Variants in KIAA1217 observed in about 807,000 individuals in gnomAD.
KIAA1217 encodes the protein KIAA1217, also known as sickle tail protein homolog.
In KIAA1217, 88 loss-of-function variants were observed where a neutral mutation model predicts 163.9. The observed-to-expected ratio is 0.54, with a 90% CI of 0.45 to 0.64. KIAA1217 has a LOEUF of 0.64. KIAA1217 is among the 30% of genes least tolerant of loss of function. The pLI, the probability that KIAA1217 is intolerant of heterozygous loss-of-function variation, is 0.00. For missense variants in KIAA1217, 2,372 were observed against 2,475.0 expected (o/e 0.96, Z 0.88); for synonymous variants, 903 against 923.1 (o/e 0.98, Z 0.39).
At chr10:23,775,157 T>A (rs1834955586) in intron 1 of KIAA1217, among the ~76,000 whole-genome samples, 1 of 152,122 alleles carries the variant, frequency 6.6e-6, no homozygotes, top group Non-Finnish European at 1.5e-5. Context: ...AGCTCACAGA[T>A]GACCAGGAAG....
chr10:24,488,957 G>T (rs1478682110), intron 6 of KIAA1217, among the ~76,000 whole-genome samples: 1 of 152,342 alleles, frequency 6.6e-6, no homozygotes, highest in East Asian at 1.9e-4. Context: ...ACGGCAGCTA[G>T]CATGTTACCT....
At chr10:24,372,496 G>T (rs1487277299) in intron 2 of KIAA1217, among the ~76,000 whole-genome samples, 1 of 152,064 alleles carries the variant, frequency 6.6e-6, no homozygotes, top group East Asian at 1.9e-4. Flanking sequence ...TTCTTGTTCA[G>T]TTTATCAAAA....
chr10:23,978,167 G>A (rs530443610), intron 1 of KIAA1217, among the ~76,000 whole-genome samples: 1 of 152,250 alleles, frequency 6.6e-6, no homozygotes, highest in South Asian at 2.1e-4. Context: ...TTCGGATGAG[G>A]AATGGTTACT....
rs796275798 is a variant in KIAA1217, at chr10:24,315,932, G to GC, written c.355-64937_355-64936insC. 8.1e-5 allele frequency among the ~76,000 whole-genome samples: 12 copies of GC among 148,876 alleles called. No homozygotes were observed. In the South Asian group the frequency reaches 2.8e-3, roughly 34 times the overall value. ...AGTTTATCTTTATTTTATCTAATGG[G>GC]GGGGGGGAATCCAAGGAGCTTTTTA... On this transcript the variant is annotated intron_variant, in intron 2 of 20. Transcript: ENST00000376454.
chr10:23,898,308 C>T (rs2366592), intron 1 of KIAA1217, among the ~76,000 whole-genome samples: 18,814 of 97,222 alleles, frequency 0.19, 3,020 homozygotes, highest in African/African-American at 0.48. Context: ...TATATATACA[C>T]ACACACACAC....
intron 2 of KIAA1217, among the ~76,000 whole-genome samples, chr10:24,138,591 A>G (rs1406011445): frequency 6.7e-6 from 1 of 149,488 alleles, no homozygotes; most frequent in Non-Finnish European, 1.5e-5. Flanking sequence ...ATATTATATA[A>G]TCGACTTAGT....
chr10:23,953,055 T>G (rs926697132), intron 1 of KIAA1217, among the ~76,000 whole-genome samples: 2 of 152,220 alleles, frequency 1.3e-5, no homozygotes, highest in African/African-American at 4.8e-5. Context: ...AGTTGAGAAC[T>G]TCTAGAATTC....
intron 2 of KIAA1217, among the ~76,000 whole-genome samples, chr10:24,267,563 T>C (rs2076355496): frequency 6.6e-6 from 1 of 152,226 alleles, no homozygotes; most frequent in Non-Finnish European, 1.5e-5. Context: ...TCTTCCTTTC[T>C]CAGCCTCCCA....
chr10:24,397,837 C>G (rs7085664), intron 3 of KIAA1217, among the ~76,000 whole-genome samples: 12,260 of 152,190 alleles, frequency 0.081, 1,541 homozygotes, highest in African/African-American at 0.27. Context: ...GTAGCTACAG[C>G]TGTTCCCACA....
intron 2 of KIAA1217, among the ~76,000 whole-genome samples, chr10:24,068,029 G>A (rs1281503853): frequency 1.3e-5 from 2 of 152,222 alleles, no homozygotes; most frequent in African/African-American, 2.4e-5. Context: ...CAATTTTCCA[G>A]TTTCCGTCTG....
chr10:23,926,462 C>T (rs569997976), intron 1 of KIAA1217, among the ~76,000 whole-genome samples: 3 of 152,258 alleles, frequency 2.0e-5, no homozygotes, highest in East Asian at 1.9e-4. Flanking sequence ...CAGTGGCTCA[C>T]GCCTGTAATC....
intron 1 of KIAA1217, among the ~76,000 whole-genome samples, chr10:23,764,450 T>C (rs906117187): frequency 1.2e-4 from 18 of 152,324 alleles, no homozygotes; most frequent in African/African-American, 4.1e-4. Context: ...ACTGGATATG[T>C]ACTCAAAGGA....
chr10:23,868,204 T>C (rs929385259), intron 1 of KIAA1217, among the ~76,000 whole-genome samples: 1 of 152,136 alleles, frequency 6.6e-6, no homozygotes, highest in African/African-American at 2.4e-5. Context: ...TGTTGCTTTT[T>C]ACCCCTTCTC....
At chr10:23,930,646 T>A (rs1392711270) in intron 1 of KIAA1217, among the ~76,000 whole-genome samples, 1 of 152,224 alleles carries the variant, frequency 6.6e-6, no homozygotes, top group African/African-American at 2.4e-5. Context: ...GTGAGTTATT[T>A]ACAATTTGCA....
chr10:24,299,015 G>A lies in KIAA1217; in HGVS notation c.354+79106G>A, dbSNP rs574696178. Among the ~76,000 whole-genome samples, 129 of 152,198 alleles carry A rather than the reference G, an allele frequency of 8.5e-4. 1 individual carries two copies. The highest frequency in any genetic ancestry group is 2.1e-3 in the African/African-American group (86 of 41,532). ...ATTCTGGCTTCTGGGGGTCCCGGCA[G>A]GGTCAGAATGAATATTAGAGATAAT... On this transcript the variant is annotated intron_variant, in intron 2 of 20. Transcript: ENST00000376454.
At chr10:24,513,689 A>T (rs2069560270) in intron 10 of KIAA1217, among the ~76,000 whole-genome samples, 1 of 151,750 alleles carries the variant, frequency 6.6e-6, no homozygotes, top group Admixed American at 6.6e-5. Flanking sequence ...GGTAGTTCAC[A>T]CCTGTAGTCC....
rs1158670821 is a variant in KIAA1217, at chr10:24,543,709, TAGA to T, written c.4440_4442del (p.Ile1480_Glu1481delinsMet). On this transcript the variant is annotated inframe_deletion, in exon 19 of 21. Coordinates refer to ENST00000376454, the MANE Select transcript of KIAA1217 (RefSeq NM_019590.5). Reference sequence around the variant, plus strand: ...GAGAGAATGATGATGGAGGAAAAGATAGAGGAGGAGGAAGAGGAGGAAAATGGG... The same window carrying T: ...GAGAGAATGATGATGGAGGAAAAGATGGAGGAGGAAGAGGAGGAAAATGGG... 4 of 1,613,398 alleles carry T rather than the reference TAGA, an allele frequency of 2.5e-6. No individual in the cohort carries two copies. Among genetic ancestry groups the T allele is most frequent in the Non-Finnish European group, 3.4e-6 (4 of 1,179,612 alleles).
At chr10:23,862,695 G>A (rs1840010067) in intron 1 of KIAA1217, among the ~76,000 whole-genome samples, 1 of 151,962 alleles carries the variant, frequency 6.6e-6, no homozygotes, top group Non-Finnish European at 1.5e-5. Context: ...GAGGAGAGTG[G>A]CAGACAAAGA....
intron 2 of KIAA1217, among the ~76,000 whole-genome samples, chr10:24,259,984 C>T (rs2075566088): frequency 6.6e-6 from 1 of 152,194 alleles, no homozygotes; most frequent in African/African-American, 2.4e-5. Context: ...TCTCCCTTTG[C>T]AATTTCCCCA....
Sources: gnomAD v4.1 joint callset for allele counts (sites outside exome capture counted in the v4.1 genomes callset) on GRCh38, gnomAD v4.1.1 for gene constraint, MANE v1.5 for transcripts, NCBI Gene and HGNC (gene_info 2026-07-23, HGNC 2026-07-21) for gene names.